CENPF: variants seen among roughly 807,000 people sequenced by gnomAD.
CENPF encodes AH antigen.
In CENPF, 214 loss-of-function variants were observed where a neutral mutation model predicts 307.3. The observed-to-expected ratio is 0.70, with a 90% CI of 0.62 to 0.78. The LOEUF (loss-of-function observed/expected upper bound fraction) is 0.78. Ranked by LOEUF, CENPF falls within the 30% of genes least tolerant of loss-of-function variation. The pLI is 0.00. For missense variants in CENPF, 3,401 were observed against 3,483.9 expected, an observed-to-expected ratio of 0.98 and a Z score of 0.60; for synonymous variants, 1,259 against 1,270.6, an observed-to-expected ratio of 0.99 and a Z score of 0.19.
intron 19 of CENPF, 63 bp from the exon 20 acceptor site, chr1:214,663,528 T>C: frequency 6.6e-7 from 1 of 1,519,198 alleles, no homozygotes; most frequent in Non-Finnish European, 9.1e-7. Context: ...CATAGTGCTT[T>C]ATTTTTCATG....
intron 3 of CENPF, among the ~76,000 whole-genome samples, chr1:214,618,262 A>AC (rs1657412160): frequency 6.6e-6 from 1 of 152,172 alleles, no homozygotes; most frequent in Non-Finnish European, 1.5e-5. Flanking sequence ...TTGGGTGGGA[A>AC]CACAGCCAAA....
At chr1:214,644,077 T>C (rs997214556) in intron 12 of CENPF, among the ~76,000 whole-genome samples, 1 of 152,192 alleles carries the variant, frequency 6.6e-6, no homozygotes, top group African/African-American at 2.4e-5. Context: ...AAATATGTAA[T>C]TTATCCAATA....
intron 5 of CENPF, 108 bp downstream of exon 5, chr1:214,619,328 G>A (rs1055515790): frequency 2.6e-5 from 14 of 542,302 alleles, no homozygotes; most frequent in Non-Finnish European, 4.3e-5. Context: ...TGGCCTTTTT[G>A]TGTGTGTGTG....
At chr1:214,608,717 C>G in intron 1 of CENPF, 1 of 1,595,646 alleles carries the variant, frequency 6.3e-7, no homozygotes, top group East Asian at 2.2e-5. Flanking sequence ...GGCCCCGGCT[C>G]GGGCTCAGTC....
chr1:214,637,955 C>A lies in CENPF; in HGVS notation c.1536C>A (p.Ile512=). The change falls in exon 11 of 20, where the codon ATC becomes ATA. Residue 512 remains isoleucine, a synonymous_variant. Transcript: ENST00000366955. ...ACCTGGAGGCAGAACTCAAGAACAT[C>A]AAACAGTGTTTAAATCAGAGCCAGA... The part of the protein sequence containing the change: ...VCHLEAELKN[I]KQCLNQSQNF... 14 of 1,613,164 alleles carry A rather than the reference C, an allele frequency of 8.7e-6. No homozygotes were observed. The highest frequency in any genetic ancestry group is 1.2e-5 in the Non-Finnish European group (14 of 1,179,814).
At chr1:214,648,958 T>G in intron 14 of CENPF, 131 bp downstream of exon 14, 6 of 881,390 alleles carry the variant, frequency 6.8e-6, no homozygotes, top group Non-Finnish European at 1.0e-5. Context: ...AACCCTGTGC[T>G]TATGTCATAA....
intron 10 of CENPF, among the ~76,000 whole-genome samples, chr1:214,634,513 G>A (rs528040344): frequency 8.5e-5 from 13 of 152,308 alleles, no homozygotes; most frequent in Admixed American, 3.9e-4. Flanking sequence ...TTCCTCATCT[G>A]CATATAGGGA....
intron 19 of CENPF, among the ~76,000 whole-genome samples, chr1:214,662,357 T>A (rs1302296975): frequency 1.3e-5 from 2 of 152,216 alleles, no homozygotes; most frequent in East Asian, 3.8e-4. Context: ...GCTGCGTCTT[T>A]TCAGTGTCCT....
At position 214,642,888 on chromosome 1, in the gene CENPF, C is replaced by G. The variant is rs781385733; in HGVS notation, c.4550C>G (p.Ser1517Ter). 5 of 1,614,012 alleles carry G rather than the reference C, an allele frequency of 3.1e-6. No individual in the cohort carries two copies. The South Asian group carries it at 5.5e-5, about 18-fold the overall frequency. Residue 1517 changes from serine (S) to a stop codon, truncating the protein, a stop_gained, in exon 12 of 20, where the codon TCA (serine) becomes TGA (stop). Transcript: ENST00000366955. LOFTEE classifies it high-confidence loss of function. ...TTGAGTAATTTAGAAGGGGCTGTTT[C>G]AGCAAACCAGTGCAGTGTAGATGAA... is the stretch of plus-strand genomic sequence containing the variant. ...SLLSNLEGAV[S>*]ANQCSVDEVF... is the part of the protein sequence containing the mutation.
Position 214,647,281 on chromosome 1 carries a change from G to C in CENPF, c.7711G>C (p.Val2571Leu). 6.2e-7 allele frequency: 1 copy of C among 1,614,088 alleles called. No homozygotes were observed. The change falls in exon 13 of 20, where the codon GTG (valine) becomes CTG (leucine). Residue 2571 changes from valine to leucine, a missense_variant. Val to Leu is a conservative substitution (Grantham distance 32). Coordinates refer to ENST00000366955, the MANE Select transcript of CENPF (RefSeq NM_016343.4). ...LTVELEQKIQ[V>L]LQSKNASLQD... ...AGTGGAATTGGAGCAGAAGATCCAA[G>C]TGCTACAATCCAAAAATGCCTCTTT...
At chr1:214,635,296 G>A (rs1378665954) in intron 10 of CENPF, among the ~76,000 whole-genome samples, 1 of 152,218 alleles carries the variant, frequency 6.6e-6, no homozygotes, top group African/African-American at 2.4e-5. Context: ...ATCATGAAAT[G>A]CCACACAGTA....
At position 214,645,931 on chromosome 1, in the gene CENPF, A is replaced by T; in HGVS notation, c.6361A>T (p.Ile2121Phe). 1.2e-6 allele frequency: 2 copies of T among 1,614,184 alleles called. No homozygotes were observed. The highest frequency in any genetic ancestry group is 1.7e-6 in the Non-Finnish European group (2 of 1,180,040). The change falls in exon 13 of 20, where the codon ATC (isoleucine) becomes TTC (phenylalanine). Residue 2121 changes from isoleucine to phenylalanine, a missense_variant. Coordinates refer to ENST00000366955, the MANE Select transcript of CENPF (RefSeq NM_016343.4). ...GGAAGTGCATCAGCTGAGAAGAGGC[A>T]TCGAGAAACTGAGAGTTCGCATTGA... ...QEEVHQLRRG[I>F]EKLRVRIEAD...
At chr1:214,648,175 C>T (rs1658364845) in intron 13 of CENPF, among the ~76,000 whole-genome samples, 1 of 152,100 alleles carries the variant, frequency 6.6e-6, no homozygotes, top group Non-Finnish European at 1.5e-5. Context: ...GGATACCTTG[C>T]AAGAGATGGC....
rs763992024 is a variant in CENPF, at chr1:214,645,641, G to A, written c.6071G>A (p.Ser2024Asn). 1.9e-6 allele frequency: 3 copies of A among 1,614,194 alleles called. No individual in the cohort carries two copies. The highest frequency in any genetic ancestry group is 2.5e-6 in the Non-Finnish European group (3 of 1,180,036). The part of the protein sequence containing the change: ...ELLQTLSSDV[S>N]ELLKDKTHLQ... ...CTTCAGACTTTGTCCTCTGATGTGA[G>A]TGAGCTGTTAAAAGACAAAACTCAT... The change falls in exon 13 of 20, where the codon AGT becomes AAT. Residue 2024 changes from serine (S) to asparagine (N), a missense_variant. Physicochemically the swap from Ser to Asn is conservative, Grantham distance 46 (BLOSUM62 1). Transcript: ENST00000366955.
Position 214,631,525 on chromosome 1 carries a change from AGTCTCCCTCT to A in CENPF, c.1323+867_1323+876del, listed in dbSNP as rs1040884128. Among the ~76,000 whole-genome samples, 181 of 152,234 alleles carry A rather than the reference AGTCTCCCTCT, an allele frequency of 1.2e-3. 1 individual carries two copies. Among genetic ancestry groups the A allele is most frequent in the African/African-American group, 4.1e-3 (170 of 41,520 alleles). ...TGTTTTGTTTTGTTTTTTGAGACGG[AGTCTCCCTCT>A]GTCACCCAGGCTGGAGTGCAGTGGC... On this transcript the variant is annotated intron_variant, in intron 9 of 19. Transcript: ENST00000366955.
At chr1:214,617,503 G>T (rs898580150) in intron 3 of CENPF, among the ~76,000 whole-genome samples, 2 of 152,010 alleles carry the variant, frequency 1.3e-5, no homozygotes, top group Non-Finnish European at 2.9e-5. Flanking sequence ...TTTTAATGTG[G>T]GTTTTTTGGT....
At position 214,648,764 on chromosome 1, in the gene CENPF, T is replaced by G. The variant is rs1243534354; in HGVS notation, c.7920T>G (p.Ser2640Arg). 3 of 1,614,012 alleles carry G rather than the reference T, an allele frequency of 1.9e-6. No individual in the cohort carries two copies. The highest frequency in any genetic ancestry group is 2.5e-6 in the Non-Finnish European group (3 of 1,179,940). The part of the protein sequence containing the change: ...QKTAELQEEL[S>R]GEKNRLAGEL... ...CAGCAGAGCTGCAAGAAGAACTCAGTGGAGAGAAAAATAGGCTAGCTGGAG... is the reference window on the plus strand; with the variant it reads ...CAGCAGAGCTGCAAGAAGAACTCAGGGGAGAGAAAAATAGGCTAGCTGGAG... Residue 2640 changes from serine (S) to arginine (R), a missense_variant, in exon 14 of 20, where the codon AGT becomes AGG. Physicochemically the swap from Ser to Arg is moderately radical, Grantham distance 110. Transcript: ENST00000366955.
chr1:214,652,012 G>A, intron 15 of CENPF, 126 bp downstream of exon 15: 1 of 677,352 alleles, frequency 1.5e-6, no homozygotes, highest in Non-Finnish European at 2.2e-6. Flanking sequence ...CTTTTAAAAG[G>A]TCTCACATTA....
intron 1 of CENPF, chr1:214,605,456 T>TA (rs1558165796): frequency 1.4e-5 from 7 of 516,692 alleles, no homozygotes; most frequent in South Asian, 7.6e-5. Context: ...TTTTTTTTTT[T>TA]AAATTTTAAA....
Sources: gnomAD v4.1 joint callset for allele counts (sites outside exome capture counted in the v4.1 genomes callset) on GRCh38, gnomAD v4.1.1 for gene constraint, MANE v1.5 for transcripts, NCBI Gene and HGNC (gene_info 2026-07-23, HGNC 2026-07-21) for gene names.